PEDS1: variants seen among roughly 807,000 people sequenced by gnomAD.
PEDS1 encodes the protein CarF homolog.
In PEDS1, 14 loss-of-function variants were observed where a neutral mutation model predicts 35.2. That is an observed-to-expected ratio of 0.40 (90% CI 0.26 to 0.62). The LOEUF (loss-of-function observed/expected upper bound fraction) is 0.62. Among genes scored for constraint, PEDS1 ranks in the 20% least tolerant of loss-of-function variants. The probability of loss-of-function intolerance (pLI) is 0.44; values close to 1 mark genes in which losing one functional copy is unlikely to be tolerated. For synonymous variants in PEDS1, 152 were observed against 152.0 expected (o/e 1.00, Z 0.00); for missense variants, 260 against 367.8 (o/e 0.71, Z 2.40).
Position 50,153,582 on chromosome 20 carries a change from G to T in PEDS1, c.56C>A (p.Ala19Glu). Residue 19 changes from alanine to glutamate, a missense_variant, in exon 1 of 6, where the codon GCG (alanine) becomes GAG (glutamate). This residue lies in a region of PEDS1 where 114 missense variants were observed against 121.6 expected (regional missense o/e 0.94). Transcript: ENST00000371652. Reference sequence around the variant, plus strand: ...CTGCGCGCCCCAGCGGCAACAAGACGCCTCGTCCTCGTCCAGCTCCAGCTG... The same window carrying T: ...CTGCGCGCCCCAGCGGCAACAAGACTCCTCGTCCTCGTCCAGCTCCAGCTG... The part of the protein sequence containing the change: ...GQQLELDEDE[A>E]SCCRWGAQHA... The T allele has an allele frequency of 1.4e-6, 2 of 1,432,072 alleles. No homozygotes were observed. The highest frequency in any genetic ancestry group is 1.8e-6 in the Non-Finnish European group (2 of 1,086,812). The allele number at this position is 1,432,072 out of a possible 1,614,324, so 88.7% of individuals were successfully genotyped here. A position where few individuals can be genotyped will look rare whatever the true frequency, so the allele number is the denominator to read the frequency against.
intron 2 of PEDS1, among the ~76,000 whole-genome samples, chr20:50,140,029 G>A (rs2081276645): frequency 6.6e-6 from 1 of 152,090 alleles, no homozygotes; most frequent in Non-Finnish European, 1.5e-5. Context: ...GCCATCTCAA[G>A]CATCTCCCTC....
intron 1 of PEDS1, among the ~76,000 whole-genome samples, chr20:50,147,915 G>T (rs543255796): frequency 6.6e-5 from 10 of 152,072 alleles, no homozygotes; most frequent in Non-Finnish European, 1.3e-4. Context: ...AATTAGCCAG[G>T]TGTGGTGGTG....
rs1040304606 is a variant in PEDS1 at position 50,123,002 on chromosome 20, G to GT, written c.*2055dup. 1.3e-5 allele frequency: 2 copies of GT among 151,716 alleles called. No homozygotes were observed. The highest frequency in any genetic ancestry group is 4.8e-5 in the African/African-American group (2 of 41,274). 9.4% of individuals were successfully genotyped at this position (151,716 alleles called of 1,614,324 possible). A position where few individuals can be genotyped will look rare whatever the true frequency, so the allele number is the denominator to read the frequency against. Reference sequence around the variant, plus strand: ...CTAGTCCCAGCCACTCATGAGGATCGTTTGTGTCCAGGAGTTCAAGGTTGC... The same window carrying GT: ...CTAGTCCCAGCCACTCATGAGGATCGTTTTGTGTCCAGGAGTTCAAGGTTGC... On this transcript the variant is annotated 3_prime_UTR_variant, in exon 6 of 6. Coordinates refer to ENST00000371652, the MANE Select transcript of PEDS1 (RefSeq NM_199129.4).
intron 2 of PEDS1, among the ~76,000 whole-genome samples, chr20:50,132,675 T>C (rs1266766973): frequency 6.6e-6 from 1 of 152,108 alleles, no homozygotes; most frequent in Non-Finnish European, 1.5e-5. Flanking sequence ...AACAAGGAGG[T>C]TGGCTCCACC....
In PEDS1 at chr20:50,125,094, C is replaced by T. The variant is rs141058261; in HGVS notation, c.777G>A (p.Arg259=). 1.8e-4 allele frequency: 290 copies of T among 1,614,124 alleles called. 1 individual carries two copies. The highest frequency in any genetic ancestry group is 2.9e-4 in the South Asian group (26 of 91,082). The change falls in exon 6 of 6, where the codon CGG becomes CGA. Residue 259 remains arginine (R), a synonymous_variant. Coordinates refer to ENST00000371652, the MANE Select transcript of PEDS1 (RefSeq NM_199129.4). The stretch of plus-strand genomic sequence containing the variant: ...TCTGGGCCCATTTCATGTCATCTGC[C>T]CGAGGCTTCTCGCCCGTCAGGCCCT... ...LIQGLTGEKP[R]ADDMKWAQKI...
chr20:50,134,674 T>G (rs1029101295), intron 2 of PEDS1, among the ~76,000 whole-genome samples: 1 of 152,238 alleles, frequency 6.6e-6, no homozygotes, highest in Non-Finnish European at 1.5e-5. Context: ...CCCCGAGTTC[T>G]GGGCTCCTGA....
At chr20:50,149,559 T>TC (rs1216550328) in intron 1 of PEDS1, among the ~76,000 whole-genome samples, 2 of 152,058 alleles carry the variant, frequency 1.3e-5, no homozygotes, top group African/African-American at 4.8e-5. Flanking sequence ...ACAGAACGGC[T>TC]CCTGGGTCCT....
chr20:50,136,325 T>A (rs2081233885), intron 2 of PEDS1, among the ~76,000 whole-genome samples: 1 of 152,204 alleles, frequency 6.6e-6, no homozygotes, highest in African/African-American at 2.4e-5. Flanking sequence ...CACTGTGTAC[T>A]GGGGCTTTGT....
intron 2 of PEDS1, among the ~76,000 whole-genome samples, chr20:50,131,567 A>G (rs2081180551): frequency 6.6e-6 from 1 of 151,930 alleles, no homozygotes; most frequent in Non-Finnish European, 1.5e-5. Flanking sequence ...GGTTGCAGTG[A>G]GCTGAGATCA....
intron 5 of PEDS1, among the ~76,000 whole-genome samples, chr20:50,125,741 C>T (rs887812019): frequency 7.2e-5 from 11 of 152,132 alleles, no homozygotes; most frequent in Non-Finnish European, 1.0e-4. Flanking sequence ...TACAGGTGCA[C>T]ACCACCATGC....
chr20:50,132,661 C>T (rs1388204036), intron 2 of PEDS1, among the ~76,000 whole-genome samples: 1 of 152,142 alleles, frequency 6.6e-6, no homozygotes, highest in African/African-American at 2.4e-5. Context: ...TTATTTTCTC[C>T]CCCAACAAGG....
At chr20:50,133,726 C>G (rs556875609) in intron 2 of PEDS1, among the ~76,000 whole-genome samples, 2 of 152,390 alleles carry the variant, frequency 1.3e-5, no homozygotes, top group African/African-American at 4.8e-5. Flanking sequence ...CTGGCTAAAG[C>G]CATCCTTCCG....
chr20:50,153,612 C>G lies in PEDS1; in HGVS notation c.26G>C (p.Gly9Ala). The change falls in exon 1 of 6, where the codon GGC becomes GCC. Residue 9 changes from glycine (G) to alanine (A), a missense_variant. Coordinates refer to ENST00000371652, the MANE Select transcript of PEDS1 (RefSeq NM_199129.4). The part of the protein sequence containing the change: MAGAENWP[G>A]QQLELDEDEA... ...GTCCTCGTCCAGCTCCAGCTGCTGGCCCGGCCAGTTCTCGGCGCCCGCCAT... is the reference window on the plus strand; with the variant it reads ...GTCCTCGTCCAGCTCCAGCTGCTGGGCCGGCCAGTTCTCGGCGCCCGCCAT... 1 of 1,328,260 alleles carries G rather than the reference C, an allele frequency of 7.5e-7. No homozygotes were observed. Among genetic ancestry groups the G allele is most frequent in the South Asian group, 1.8e-5 (1 of 54,198 alleles). 82.3% of individuals were successfully genotyped at this position (1,328,260 alleles called of 1,614,324 possible). A position where few individuals can be genotyped will look rare whatever the true frequency, so the allele number is the denominator to read the frequency against.
At position 50,150,788 on chromosome 20, in the gene PEDS1, T is replaced by C. The variant is rs374032788; in HGVS notation, c.121+2729A>G. Reference sequence around the variant, plus strand: ...GCTCACTGCAACAACCTCCGCCTCCTGGGTTCAAGAGATTATCCTGCCTCA... The same window carrying C: ...GCTCACTGCAACAACCTCCGCCTCCCGGGTTCAAGAGATTATCCTGCCTCA... On this transcript the variant is annotated intron_variant, in intron 1 of 5. Coordinates refer to ENST00000371652, the MANE Select transcript of PEDS1 (RefSeq NM_199129.4). Among the ~76,000 whole-genome samples, 26 of 152,008 alleles carry C rather than the reference T, an allele frequency of 1.7e-4. No individual in the cohort carries two copies. In the East Asian group the frequency reaches 3.3e-3, roughly 19 times the overall value.
intron 2 of PEDS1, among the ~76,000 whole-genome samples, chr20:50,141,032 G>A (rs778360763): frequency 9.9e-5 from 15 of 152,180 alleles, no homozygotes; most frequent in Non-Finnish European, 1.8e-4. Flanking sequence ...CCAGGGAAGG[G>A]AGATAGTGAC....
chr20:50,152,539 T>G (rs1401774549), intron 1 of PEDS1, among the ~76,000 whole-genome samples: 2 of 150,522 alleles, frequency 1.3e-5, no homozygotes, highest in African/African-American at 5.0e-5. Flanking sequence ...AGGGCTCACG[T>G]AGGAGTCACA....
chr20:50,143,528 T>C lies in PEDS1; in HGVS notation c.215A>G (p.Asp72Gly), dbSNP rs2081316264. The change falls in exon 2 of 6, where the codon GAC becomes GGC. Residue 72 changes from aspartate (D) to glycine (G), a missense_variant. Physicochemically the swap from Asp to Gly is moderately conservative, Grantham distance 94 (BLOSUM62 -1). Coordinates refer to ENST00000371652, the MANE Select transcript of PEDS1 (RefSeq NM_199129.4). ...AACACCGAGTATGACGAGGGGTGTG[T>C]CCTCCCAGCGGGCCAGCAGCAGGAG... The part of the protein sequence containing the change: ...VHLLLLARWE[D>G]TPLVILGVVA... The C allele has an allele frequency of 6.2e-7, 1 of 1,611,254 alleles. No individual in the cohort carries two copies. The highest frequency in any genetic ancestry group is 8.5e-7 in the Non-Finnish European group (1 of 1,179,206).
chr20:50,146,626 C>T lies in PEDS1; in HGVS notation c.122-3005G>A, dbSNP rs376191107. ...ACAACAGCAAGCTGCTCCTGACCTA[C>T]CCTGACCCAGAACCAGGACAGCTGC... is the stretch of plus-strand genomic sequence containing the variant. On this transcript the variant is annotated intron_variant, in intron 1 of 5. Coordinates refer to ENST00000371652, the MANE Select transcript of PEDS1 (RefSeq NM_199129.4). Among the ~76,000 whole-genome samples, 6 of 152,254 alleles carry T rather than the reference C, an allele frequency of 3.9e-5. No homozygotes were observed. In the East Asian group the frequency reaches 9.6e-4, roughly 24 times the overall value.
chr20:50,125,183 CAGTAG>C lies in PEDS1; in HGVS notation c.692-9_692-5del, dbSNP rs753493195. On this transcript the variant is annotated splice_region_variant and splice_polypyrimidine_tract_variant and intron_variant, in intron 5 of 5. Transcript: ENST00000371652. Reference sequence around the variant, plus strand: ...TCCAGAGGGTAGTTGAGCCAGCCTGCAGTAGAAATGGCAGCGGGAGTTTGAATGGG... The same window carrying C: ...TCCAGAGGGTAGTTGAGCCAGCCTGCAAATGGCAGCGGGAGTTTGAATGGG... 15 of 1,613,258 alleles carry C rather than the reference CAGTAG, an allele frequency of 9.3e-6. 1 individual carries two copies. The South Asian group carries it at 1.5e-4, about 17-fold the overall frequency.
Sources: gnomAD v4.1 joint callset for allele counts (sites outside exome capture counted in the v4.1 genomes callset) on GRCh38, gnomAD v4.1.1 for gene constraint, gnomAD v4.1.1 regional missense constraint, MANE v1.5 for transcripts, NCBI Gene and HGNC (gene_info 2026-07-23, HGNC 2026-07-21) for gene names.